Variants in DLG2 observed in about 807,000 individuals in gnomAD.
DLG2 encodes the protein discs large MAGUK scaffold protein 2.
A neutral mutation model predicts 132.5 loss-of-function variants in DLG2; 45 were observed. That is an observed-to-expected ratio of 0.34 (90% CI 0.27 to 0.44). The LOEUF is 0.44. Ranked by LOEUF, DLG2 falls within the 20% of genes least tolerant of loss-of-function variation. The probability of loss-of-function intolerance (pLI) is 1.00; values close to 1 mark genes in which losing one functional copy is unlikely to be tolerated. For synonymous variants in DLG2, 424 were observed against 419.6 expected (o/e 1.01, Z -0.13); for missense variants, 1,045 against 1,196.9 (o/e 0.87, Z 1.87).
intron 18 of DLG2, among the ~76,000 whole-genome samples, chr11:83,784,458 T>G (rs919866083): frequency 6.6e-6 from 1 of 152,238 alleles, no homozygotes; most frequent in African/African-American, 2.4e-5. Context: ...CAGATTAGTA[T>G]ACAGTTAGGC....
At chr11:84,575,876 A>G (rs2099498575) in intron 6 of DLG2, among the ~76,000 whole-genome samples, 1 of 152,148 alleles carries the variant, frequency 6.6e-6, no homozygotes, top group South Asian at 2.1e-4. Flanking sequence ...AACTCTAGCT[A>G]AAGAGTGGAA....
chr11:84,380,896 A>G (rs1041248231), intron 7 of DLG2, among the ~76,000 whole-genome samples: 1 of 152,022 alleles, frequency 6.6e-6, no homozygotes, highest in Non-Finnish European at 1.5e-5. Flanking sequence ...CATATGCTAC[A>G]TAAATGGTGT....
In DLG2 at chr11:85,354,745, T is replaced by A. The variant is rs548363772; in HGVS notation, c.41-69380A>T. ...GTCACTGTTTCTCTCTCTCTCTCTC[T>A]CACACACACACACACACATACACGC... On this transcript the variant is annotated intron_variant, in intron 3 of 27. Coordinates refer to ENST00000376104, the MANE Select transcript of DLG2 (RefSeq NM_001142699.3). 7.8e-3 allele frequency among the ~76,000 whole-genome samples: 1,159 copies of A among 149,256 alleles called. 11 individuals are homozygous for A. Among genetic ancestry groups the A allele is most frequent in the African/African-American group, 0.022 (915 of 40,896 alleles).
intron 7 of DLG2, among the ~76,000 whole-genome samples, chr11:84,482,107 A>T (rs2099139370): frequency 6.6e-6 from 1 of 152,252 alleles, no homozygotes; most frequent in Non-Finnish European, 1.5e-5. Flanking sequence ...CAAAATATAG[A>T]TAAATACATT....
Position 83,753,784 on chromosome 11 carries a change from G to T in DLG2, c.1825+32906C>A, listed in dbSNP as rs890433428. 9.4e-5 allele frequency among the ~76,000 whole-genome samples: 11 copies of T among 117,222 alleles called. 1 individual carries two copies. Among genetic ancestry groups the T allele is most frequent in the African/African-American group, 2.8e-4 (7 of 25,184 alleles). 76.9% of individuals were successfully genotyped at this position (117,222 alleles called of 152,430 possible). ...AATATATATGATATGGCATATATAT[G>T]TCATATATATGATATATCATATATA... is the stretch of plus-strand genomic sequence containing the variant. On this transcript the variant is annotated intron_variant, in intron 18 of 27. Coordinates refer to ENST00000376104, the MANE Select transcript of DLG2 (RefSeq NM_001142699.3).
intron 17 of DLG2, among the ~76,000 whole-genome samples, chr11:83,826,631 GCTTTTACCTC>G (rs747982589): frequency 3.9e-5 from 6 of 152,128 alleles, no homozygotes; most frequent in Non-Finnish European, 8.8e-5. Context: ...AAGGCAATAA[GCTTTTACCTC>G]CTCAAAAACA....
chr11:85,203,689 T>G (rs531740212), intron 4 of DLG2, among the ~76,000 whole-genome samples: 1 of 152,226 alleles, frequency 6.6e-6, no homozygotes, highest in East Asian at 1.9e-4. Context: ...ACTCATTGTA[T>G]GAGGCCAGCA....
At chr11:84,816,956 C>G (rs772264026) in intron 6 of DLG2, among the ~76,000 whole-genome samples, 21 of 151,998 alleles carry the variant, frequency 1.4e-4, no homozygotes, top group Non-Finnish European at 2.4e-4. Flanking sequence ...GTTTCTGCAT[C>G]TGTAAAATAG....
intron 11 of DLG2, among the ~76,000 whole-genome samples, chr11:83,984,630 C>T (rs547866905): frequency 1.3e-5 from 2 of 151,940 alleles, no homozygotes; most frequent in East Asian, 1.9e-4. Flanking sequence ...ACATACTGTG[C>T]GTTGTATTAC....
chr11:84,737,836 A>T (rs2064062679), intron 6 of DLG2, among the ~76,000 whole-genome samples: 1 of 152,052 alleles, frequency 6.6e-6, no homozygotes, highest in Non-Finnish European at 1.5e-5. Flanking sequence ...TATGGGGGAA[A>T]TTCAGTATGA....
At chr11:85,493,723 G>T (rs1035458469) in intron 3 of DLG2, among the ~76,000 whole-genome samples, 3 of 146,166 alleles carry the variant, frequency 2.1e-5, no homozygotes, top group Non-Finnish European at 3.0e-5. Flanking sequence ...GGGGAGGGTA[G>T]GAGAGAAGAG....
chr11:83,691,292 G>A lies in DLG2; in HGVS notation c.1826-57967C>T, dbSNP rs188099260. On this transcript the variant is annotated intron_variant, in intron 18 of 27. Transcript: ENST00000376104. The stretch of plus-strand genomic sequence containing the variant: ...GGCTATGTAACTTAACTAGCCACAC[G>A]TAATATAACTTCCCCACTGCCTCCA... Among the ~76,000 whole-genome samples, 37 of 152,222 alleles carry A rather than the reference G, an allele frequency of 2.4e-4. No homozygotes were observed. In the East Asian group the frequency reaches 6.8e-3, roughly 28 times the overall value.
At chr11:84,703,857 G>GATATATATGTGTATATATATATATATAT (rs1555174774) in intron 6 of DLG2, among the ~76,000 whole-genome samples, 36 of 102,690 alleles carry the variant, frequency 3.5e-4, no homozygotes, top group African/African-American at 1.4e-3. Context: ...ATGTAGTGAA[G>GATATATATGTGTATATATATATATATAT]ATATATATAT....
At chr11:84,402,597 C>T (rs1039176770) in intron 7 of DLG2, among the ~76,000 whole-genome samples, 1 of 151,800 alleles carries the variant, frequency 6.6e-6, no homozygotes, top group African/African-American at 2.4e-5. Flanking sequence ...AAAATTAACT[C>T]GGCCAGGTGC....
chr11:84,042,404 C>T (rs2096113274), intron 11 of DLG2, among the ~76,000 whole-genome samples: 1 of 151,610 alleles, frequency 6.6e-6, no homozygotes, highest in Non-Finnish European at 1.5e-5. Context: ...TATTATTGCT[C>T]ATTAATTTTT....
At position 85,065,565 on chromosome 11, in the gene DLG2, A is replaced by T. The variant is rs554418495; in HGVS notation, c.357+46096T>A. Among the ~76,000 whole-genome samples the T allele has an allele frequency of 5.3e-5, 8 of 150,796 alleles. No individual in the cohort carries two copies. In the East Asian group the frequency reaches 5.9e-4, roughly 11 times the overall value. On this transcript the variant is annotated intron_variant, in intron 6 of 27. Coordinates refer to ENST00000376104, the MANE Select transcript of DLG2 (RefSeq NM_001142699.3). ...TTTTTAAATTTTAATTTTATTAAAAATTTTTTTTATTATACTTTAAGTTCT... is the reference window on the plus strand; with the variant it reads ...TTTTTAAATTTTAATTTTATTAAAATTTTTTTTTATTATACTTTAAGTTCT...
intron 6 of DLG2, among the ~76,000 whole-genome samples, chr11:85,035,692 T>G (rs1294047914): frequency 6.6e-6 from 1 of 152,146 alleles, no homozygotes; most frequent in Non-Finnish European, 1.5e-5. Context: ...AAATACTATC[T>G]TTAGTAATTT....
chr11:85,460,749 T>C (rs776898601), intron 3 of DLG2, among the ~76,000 whole-genome samples: 7 of 152,320 alleles, frequency 4.6e-5, no homozygotes, highest in African/African-American at 7.2e-5. Context: ...TTGTTCTCCA[T>C]TGAAGGATCC....
chr11:83,548,705 T>C (rs992302731), intron 19 of DLG2, among the ~76,000 whole-genome samples: 8 of 152,142 alleles, frequency 5.3e-5, no homozygotes, highest in African/African-American at 1.9e-4. Context: ...GATAAAGAAG[T>C]TAAGAACTAA....
Sources: allele counts gnomAD v4.1 joint callset (sites outside exome capture counted in the v4.1 genomes callset), GRCh38; gene constraint gnomAD v4.1.1; transcripts MANE v1.5; gene names NCBI Gene and HGNC (gene_info 2026-07-23, HGNC 2026-07-21).